SKA3: variants seen among roughly 807,000 people sequenced by gnomAD.
SKA3 encodes the protein spindle and kinetochore associated complex subunit 3.
In SKA3, 39 loss-of-function variants were observed where a neutral mutation model predicts 44.2. The ratio of observed to expected loss-of-function variants is 0.88; its 90% confidence interval spans 0.68 to 1.15. The LOEUF is 1.15. Among genes scored for constraint, SKA3 ranks in the 50% most tolerant of loss-of-function variants. The pLI is 0.00. For synonymous variants in SKA3, 192 were observed against 172.0 expected (o/e 1.12, Z -0.91); for missense variants, 511 against 485.8 (o/e 1.05, Z -0.49).
At chr13:21,172,233 AAC>A in intron 3 of SKA3, 104 bp downstream of exon 3, 8 of 619,388 alleles carry the variant, frequency 1.3e-5, no homozygotes. Flanking sequence ...GTCAGATAAC[AAC>A]AGAGCTAGAA....
chr13:21,155,230 A>G (rs909111710), intron 8 of SKA3, 80 bp from the exon 9 acceptor site: 2 of 1,037,468 alleles, frequency 1.9e-6, no homozygotes, highest in African/African-American at 3.2e-5. Flanking sequence ...CTGTGGCTAT[A>G]TATTTTACAC....
At chr13:21,155,333 A>G (rs1012652529) in intron 8 of SKA3, among the ~76,000 whole-genome samples, 183 bp from the exon 9 acceptor site, 2 of 152,210 alleles carry the variant, frequency 1.3e-5, no homozygotes, top group African/African-American at 4.8e-5. Context: ...CTATATCAAA[A>G]GATAGAGACA....
chr13:21,168,294 C>G lies in SKA3; in HGVS notation c.437G>C (p.Ser146Thr). The change falls in exon 4 of 9, where the codon AGT becomes ACT. Residue 146 changes from serine to threonine, a missense_variant. Physicochemically the swap from Ser to Thr is moderately conservative, Grantham distance 58. Transcript: ENST00000314759. ...ACGTGGAGACTTCTCAGAAATACAACTGCTTGCAACAGGAGGATCAGACAG... is the reference window on the plus strand; with the variant it reads ...ACGTGGAGACTTCTCAGAAATACAAGTGCTTGCAACAGGAGGATCAGACAG... ...DDLSDPPVASSCISEKSPRSP... is the reference protein window; with the variant it reads ...DDLSDPPVASTCISEKSPRSP... 6.2e-7 allele frequency: 1 copy of G among 1,614,190 alleles called. No homozygotes were observed. Among genetic ancestry groups the G allele is most frequent in the Non-Finnish European group, 8.5e-7 (1 of 1,180,038 alleles).
In SKA3 at chr13:21,161,838, T is replaced by C. The variant is rs901928718; in HGVS notation, c.781A>G (p.Asn261Asp). ...AIDTESRLND[N>D]VFATPSPIIQ... is the part of the protein sequence containing the mutation. ...ATGGGGCTGGGAGTGGCAAAAACAT[T>C]ATCATTGAGCCTGGATTCTGTATCT... The change falls in exon 5 of 9, where the codon AAT (asparagine) becomes GAT (aspartate). Residue 261 changes from asparagine (N) to aspartate (D), a missense_variant. Transcript: ENST00000314759. The C allele has an allele frequency of 6.2e-7, 1 of 1,612,654 alleles. No homozygotes were observed.
intron 3 of SKA3, among the ~76,000 whole-genome samples, chr13:21,172,091 A>G (rs930309474): frequency 1.3e-5 from 2 of 152,184 alleles, no homozygotes; most frequent in Admixed American, 1.3e-4. Flanking sequence ...AATGTGCTAA[A>G]TCTAGCATTG....
In SKA3 at chr13:21,172,444, T is replaced by C. The variant is rs777564414; in HGVS notation, c.226A>G (p.Ile76Val). The C allele has an allele frequency of 6.3e-7, 1 of 1,592,246 alleles. No individual in the cohort carries two copies. Among genetic ancestry groups the C allele is most frequent in the Non-Finnish European group, 8.5e-7 (1 of 1,172,226 alleles). ...TCCATTAGTACTTTTGTTGCCTTTATGAAATCAATGCCTTCTTGATTTTCC... is the reference window on the plus strand; with the variant it reads ...TCCATTAGTACTTTTGTTGCCTTTACGAAATCAATGCCTTCTTGATTTTCC... The part of the protein sequence containing the change: ...RLENQEGIDF[I>V]KATKVLMEKN... Residue 76 changes from isoleucine to valine, a missense_variant, in exon 3 of 9, where the codon ATA becomes GTA. Coordinates refer to ENST00000314759, the MANE Select transcript of SKA3 (RefSeq NM_145061.6).
chr13:21,156,452 A>G (rs1870124554), intron 7 of SKA3, among the ~76,000 whole-genome samples: 1 of 152,220 alleles, frequency 6.6e-6, no homozygotes. Flanking sequence ...AGTATCAGCT[A>G]TAATTTTTTC....
chr13:21,172,824 CATA>C (rs369286700), intron 1 of SKA3, 143 bp from the exon 2 acceptor site: 133,570 of 527,320 alleles, frequency 0.25, 18,027 homozygotes, highest in South Asian at 0.35. Flanking sequence ...AAGATAATAC[CATA>C]TTTTTTACCG....
At chr13:21,167,698 C>T (rs779817915) in intron 4 of SKA3, among the ~76,000 whole-genome samples, 7 of 148,664 alleles carry the variant, frequency 4.7e-5, no homozygotes, top group African/African-American at 1.2e-4. Flanking sequence ...ACCCAGGAGG[C>T]GGAGTTTGCA....
At chr13:21,171,723 T>A (rs576206052) in intron 3 of SKA3, among the ~76,000 whole-genome samples, 10 of 152,160 alleles carry the variant, frequency 6.6e-5, no homozygotes, top group Admixed American at 2.0e-4. Flanking sequence ...GAGATAGATA[T>A]ACTAAACATT....
rs1871546752 is a variant in SKA3 at position 21,176,519 on chromosome 13, C to T, written c.-42G>A. The T allele has an allele frequency of 7.2e-7, 1 of 1,383,912 alleles. No individual in the cohort carries two copies. The highest frequency in any genetic ancestry group is 9.6e-7 in the Non-Finnish European group (1 of 1,042,002). 85.7% of individuals were successfully genotyped at this position (1,383,912 alleles called of 1,614,324 possible). A position where few individuals can be genotyped will look rare whatever the true frequency, so the allele number is the denominator to read the frequency against. On this transcript the variant is annotated 5_prime_UTR_variant, in exon 1 of 9. Transcript: ENST00000314759. ...AAGGACTCCAGGCGTACGCAGACCC[C>T]ACCGCTCAGCTCACAGCCTCCCGCC...
chr13:21,165,429 A>AAATC (rs1870656643), intron 4 of SKA3, among the ~76,000 whole-genome samples: 1 of 151,168 alleles, frequency 6.6e-6, no homozygotes, highest in African/African-American at 2.5e-5. Context: ...CTCTAAAAAT[A>AAATC]AATAAATAAA....
intron 1 of SKA3, among the ~76,000 whole-genome samples, chr13:21,175,971 T>C (rs1871487728): frequency 6.6e-6 from 1 of 152,228 alleles, no homozygotes; most frequent in Admixed American, 6.5e-5. Flanking sequence ...GGTATTTTAC[T>C]GACAAGCACA....
intron 4 of SKA3, among the ~76,000 whole-genome samples, chr13:21,166,899 T>C (rs565414134): frequency 6.6e-6 from 1 of 152,332 alleles, no homozygotes; most frequent in Admixed American, 6.5e-5. Context: ...TCCCCAGAGT[T>C]GTGGGGTTTT....
At position 21,168,124 on chromosome 13, in the gene SKA3, T is replaced by G; in HGVS notation, c.607A>C (p.Thr203Pro). ...TKQSLVKVLK[T>P]PKCALKMDDF... ...TCCATTTTTAGTGCACATTTTGGAGTTTTTAGTACTTTTACTAGTGATTGT... is the reference window on the plus strand; with the variant it reads ...TCCATTTTTAGTGCACATTTTGGAGGTTTTAGTACTTTTACTAGTGATTGT... The change falls in exon 4 of 9, where the codon ACT (threonine) becomes CCT (proline). Residue 203 changes from threonine (T) to proline (P), a missense_variant. Coordinates refer to ENST00000314759, the MANE Select transcript of SKA3 (RefSeq NM_145061.6). The G allele has an allele frequency of 1.9e-6, 3 of 1,614,124 alleles. No individual in the cohort carries two copies. The highest frequency in any genetic ancestry group is 1.3e-5 in the African/African-American group (1 of 75,016).
intron 4 of SKA3, among the ~76,000 whole-genome samples, chr13:21,167,161 C>A (rs1467537065): frequency 6.6e-6 from 1 of 152,246 alleles, no homozygotes; most frequent in South Asian, 2.1e-4. Context: ...AACATGTAAA[C>A]ACATCACCTA....
At chr13:21,173,460 T>A (rs530520845) in intron 1 of SKA3, among the ~76,000 whole-genome samples, 68 of 152,346 alleles carry the variant, frequency 4.5e-4, no homozygotes, top group African/African-American at 1.6e-3. Flanking sequence ...TTTCACCATG[T>A]TGGTGAGGCT....
At chr13:21,176,263 C>T in intron 1 of SKA3, 112 bp downstream of exon 1, 3 of 840,426 alleles carry the variant, frequency 3.6e-6, no homozygotes, top group Non-Finnish European at 5.1e-6. Context: ...CGGTGGCAGC[C>T]GTCCACGCCG....
At chr13:21,155,612 G>T in intron 8 of SKA3, 81 bp downstream of exon 8, 3 of 749,410 alleles carry the variant, frequency 4.0e-6, no homozygotes, top group African/African-American at 1.8e-5. Context: ...TCACCATGTT[G>T]GTCAGGATGG....
Sources: allele counts gnomAD v4.1 joint callset (sites outside exome capture counted in the v4.1 genomes callset), GRCh38; gene constraint gnomAD v4.1.1; transcripts MANE v1.5; gene names NCBI Gene and HGNC (gene_info 2026-07-23, HGNC 2026-07-21).